Variants in STK32B observed in about 807,000 individuals in gnomAD.
STK32B encodes serine/threonine-protein kinase 32B.
STK32B carries 43 observed loss-of-function variants against 52.6 expected under a neutral mutation model. That is an observed-to-expected ratio of 0.82 (90% confidence interval 0.64 to 1.05). The LOEUF (loss-of-function observed/expected upper bound fraction) is 1.05, where lower values mean the gene tolerates loss of function less well. Ranked by LOEUF, STK32B falls within the 50% of genes least tolerant of loss-of-function variation. The pLI is 0.00. For synonymous variants in STK32B, 238 were observed against 204.3 expected (o/e 1.17, Z -1.41); for missense variants, 621 against 534.6 (o/e 1.16, Z -1.59).
At chr4:5,290,292 A>G (rs10012306) in intron 3 of STK32B, among the ~76,000 whole-genome samples, 2,517 of 151,532 alleles carry the variant, frequency 0.017, 27 homozygotes, top group South Asian at 0.058. Context: ...AATATTTTAA[A>G]TTTTTTGACT....
chr4:5,157,698 G>A (rs1329586631), intron 2 of STK32B, among the ~76,000 whole-genome samples: 5 of 152,236 alleles, frequency 3.3e-5, no homozygotes, highest in Non-Finnish European at 2.9e-5. Context: ...CGAGGACTTA[G>A]AATGTGTGGT....
At chr4:5,230,852 G>A (rs1195164390) in intron 3 of STK32B, among the ~76,000 whole-genome samples, 1 of 152,174 alleles carries the variant, frequency 6.6e-6, no homozygotes, top group Non-Finnish European at 1.5e-5. Flanking sequence ...GAGAGAATAA[G>A]ATGAGAAAAG....
chr4:5,463,486 A>G (rs984104705), intron 9 of STK32B, among the ~76,000 whole-genome samples: 1 of 151,998 alleles, frequency 6.6e-6, no homozygotes, highest in Non-Finnish European at 1.5e-5. Flanking sequence ...ACTCAGTCAC[A>G]CTCACACATA....
chr4:5,368,782 C>A (rs1735037094), intron 4 of STK32B, among the ~76,000 whole-genome samples: 1 of 152,204 alleles, frequency 6.6e-6, no homozygotes, highest in East Asian at 1.9e-4. Flanking sequence ...CTGCTGGTGT[C>A]CTCTTGCCTG....
chr4:5,310,086 A>C (rs1730190475), intron 3 of STK32B, among the ~76,000 whole-genome samples: 1 of 152,124 alleles, frequency 6.6e-6, no homozygotes, highest in Non-Finnish European at 1.5e-5. Context: ...GAATCGCTTG[A>C]ACCCAGGAGG....
chr4:5,369,758 T>C (rs1735106679), intron 4 of STK32B, among the ~76,000 whole-genome samples: 1 of 152,182 alleles, frequency 6.6e-6, no homozygotes, highest in Non-Finnish European at 1.5e-5. Context: ...ATCCCTTCCT[T>C]GAGCCTGGTG....
intron 3 of STK32B, among the ~76,000 whole-genome samples, chr4:5,243,396 T>G (rs1302763210): frequency 6.6e-6 from 1 of 152,214 alleles, no homozygotes; most frequent in Non-Finnish European, 1.5e-5. Context: ...TATTGGTGTA[T>G]AAGAATGCTT....
chr4:5,183,225 C>A (rs1445914458), intron 3 of STK32B, among the ~76,000 whole-genome samples: 1 of 152,108 alleles, frequency 6.6e-6, no homozygotes, highest in Non-Finnish European at 1.5e-5. Flanking sequence ...CGCCTGTAAT[C>A]CCAGCACATT....
At chr4:5,494,206 T>G (rs1326796434) in intron 11 of STK32B, among the ~76,000 whole-genome samples, 3 of 152,180 alleles carry the variant, frequency 2.0e-5, no homozygotes, top group African/African-American at 4.8e-5. Context: ...ATTATTGTGT[T>G]GGAGTCTAAG....
intron 3 of STK32B, among the ~76,000 whole-genome samples, chr4:5,287,705 A>G: frequency 6.6e-6 from 1 of 152,056 alleles, no homozygotes; most frequent in East Asian, 1.9e-4. Flanking sequence ...TTTTACACAA[A>G]TGGTAGTATA....
intron 3 of STK32B, among the ~76,000 whole-genome samples, chr4:5,268,992 A>C (rs917640069): frequency 6.6e-6 from 1 of 152,092 alleles, no homozygotes. Flanking sequence ...GGGAGTTTTC[A>C]GGTTGTGACT....
chr4:5,297,101 T>C (rs77409901), intron 3 of STK32B, among the ~76,000 whole-genome samples: 1 of 152,176 alleles, frequency 6.6e-6, no homozygotes, highest in African/African-American at 2.4e-5. Flanking sequence ...TGTTGAATAT[T>C]GGCCCCACTC....
chr4:5,206,045 C>G (rs1325665184), intron 3 of STK32B, among the ~76,000 whole-genome samples: 1 of 152,140 alleles, frequency 6.6e-6, no homozygotes. Flanking sequence ...GAAGTTGAAC[C>G]AAAAATCTTT....
intron 1 of STK32B, among the ~76,000 whole-genome samples, chr4:5,127,941 C>T (rs1278965107): frequency 2.0e-5 from 3 of 152,188 alleles, no homozygotes; most frequent in African/African-American, 7.2e-5. Context: ...GCTCTCTTGC[C>T]TGTTACCATA....
rs1186860965 is a variant in STK32B, at chr4:5,446,556, CAAAAAAAAACAAAAA to C, written c.563-104_563-90del. The stretch of plus-strand genomic sequence containing the variant: ...TGGGCAGCAGAGCAAAACTCTATCT[CAAAAAAAAACAAAAA>C]AAAAAAAAACAAGCTCAATTTCTCT... On this transcript the variant is annotated intron_variant, in intron 6 of 11. Transcript: ENST00000282908. 2.6e-5 allele frequency: 21 copies of C among 816,030 alleles called. No homozygotes were observed. The East Asian group carries it at 4.1e-4, about 16-fold the overall frequency. 50.5% of individuals were successfully genotyped at this position (816,030 alleles called of 1,614,324 possible).
intron 6 of STK32B, among the ~76,000 whole-genome samples, chr4:5,431,352 C>G (rs1355748062): frequency 6.6e-6 from 1 of 152,118 alleles, no homozygotes; most frequent in Non-Finnish European, 1.5e-5. Context: ...AATTTGGAAT[C>G]CTTTAAGAGA....
the STK32B span, among the ~76,000 whole-genome samples, chr4:5,024,285 G>T: frequency 9.8e-5 from 15 of 152,324 alleles, no homozygotes; most frequent in South Asian, 2.7e-3. Context: ...GATTTACTCA[G>T]TTGGAAGGTC....
chr4:5,465,164 C>T (rs1284556057), intron 9 of STK32B, among the ~76,000 whole-genome samples: 2 of 152,176 alleles, frequency 1.3e-5, no homozygotes, highest in Non-Finnish European at 2.9e-5. Context: ...GGACTCCACT[C>T]CATTAGCCCA....
intron 3 of STK32B, among the ~76,000 whole-genome samples, chr4:5,296,165 G>A (rs186484423): frequency 8.5e-5 from 13 of 152,298 alleles, no homozygotes; most frequent in African/African-American, 3.1e-4. Context: ...ATTTGCTGAG[G>A]AGTGTTTTGC....
Sources: allele counts gnomAD v4.1 joint callset (sites outside exome capture counted in the v4.1 genomes callset), GRCh38; gene constraint gnomAD v4.1.1; transcripts MANE v1.5; gene names NCBI Gene and HGNC (gene_info 2026-07-23, HGNC 2026-07-21).